Variants in DPY19L2 observed in about 807,000 individuals in gnomAD.
DPY19L2 encodes the protein probable C-mannosyltransferase DPY19L2.
A neutral mutation model predicts 97.9 loss-of-function variants in DPY19L2; 34 were observed. That is an observed-to-expected ratio of 0.35 (90% CI 0.26 to 0.46). The LOEUF (loss-of-function observed/expected upper bound fraction) is 0.46, where lower values mean the gene tolerates loss of function less well. DPY19L2 is among the 20% of genes least tolerant of loss of function. DPY19L2 has a pLI of 1.00. For missense variants in DPY19L2, 623 were observed against 911.4 expected (o/e 0.68, Z 4.07); for synonymous variants, 230 against 307.9 (o/e 0.75, Z 2.65).
chr12:63,563,555 C>T (rs2942647), intron 21 of DPY19L2, among the ~76,000 whole-genome samples: 102 of 152,268 alleles, frequency 6.7e-4, no homozygotes, highest in African/African-American at 2.3e-3. Context: ...ACTATGGTGA[C>T]TTCACTTGAT....
intron 16 of DPY19L2, among the ~76,000 whole-genome samples, chr12:63,588,415 T>G (rs1218014349): frequency 1.3e-5 from 2 of 152,298 alleles, no homozygotes; most frequent in Non-Finnish European, 2.9e-5. Flanking sequence ...TTTAAAAGTT[T>G]CAGTTAAGCC....
chr12:63,624,804 C>T (rs1889258351), intron 7 of DPY19L2, among the ~76,000 whole-genome samples: 1 of 152,010 alleles, frequency 6.6e-6, no homozygotes, highest in Non-Finnish European at 1.5e-5. Context: ...TTCTGAAATT[C>T]TAGAAAGAAT....
intron 8 of DPY19L2, among the ~76,000 whole-genome samples, chr12:63,622,958 C>T (rs539548000): frequency 1.3e-5 from 2 of 151,938 alleles, no homozygotes; most frequent in Admixed American, 6.6e-5. Context: ...TATGTGTAGA[C>T]GATTCATAAA....
chr12:63,620,585 T>C (rs1037343926), intron 9 of DPY19L2, among the ~76,000 whole-genome samples: 36 of 152,188 alleles, frequency 2.4e-4, no homozygotes, highest in African/African-American at 8.4e-4. Flanking sequence ...TTATATTATT[T>C]CATAAAAATC....
rs190391396 is a variant in DPY19L2, at chr12:63,637,931, C to T, written c.803+6472G>A. Among the ~76,000 whole-genome samples the T allele has an allele frequency of 6.4e-3, 981 of 152,216 alleles. 9 individuals are homozygous for T. The highest frequency in any genetic ancestry group is 0.022 in the African/African-American group (904 of 41,528). On this transcript the variant is annotated intron_variant, in intron 6 of 21. Coordinates refer to ENST00000324472, the MANE Select transcript of DPY19L2 (RefSeq NM_173812.5). ...AAAAGAGAATTTTAGACCAATATCC[C>T]TGATGAACATTGATACAAAAATCCT...
At chr12:63,573,148 C>T (rs1403280138) in intron 19 of DPY19L2, among the ~76,000 whole-genome samples, 1 of 152,020 alleles carries the variant, frequency 6.6e-6, no homozygotes, top group East Asian at 1.9e-4. Context: ...GATATGTGGC[C>T]TTTCAGACAG....
chr12:63,570,876 TA>T lies in DPY19L2; in HGVS notation c.1901-20del, dbSNP rs1357783718. ...ACAGCATCTGAAAAAAAAAAAAGGA[TA>T]TATTCTTCAATTAAATGTTTTAAAG... On this transcript the variant is annotated intron_variant, in intron 19 of 21. Transcript: ENST00000324472. The T allele has an allele frequency of 5.7e-6, 9 of 1,573,852 alleles. No individual in the cohort carries two copies.
At chr12:63,625,294 G>C (rs1246085006) in intron 7 of DPY19L2, among the ~76,000 whole-genome samples, 1 of 151,900 alleles carries the variant, frequency 6.6e-6, no homozygotes, top group Non-Finnish European at 1.5e-5. Flanking sequence ...CTACTCAGGA[G>C]GCTGAGGCAG....
chr12:63,644,588 C>T lies in DPY19L2; in HGVS notation c.710-92G>A, dbSNP rs1893143087. The T allele has an allele frequency of 6.0e-5, 90 of 1,510,268 alleles. 1 individual carries two copies. The highest frequency in any genetic ancestry group is 7.5e-5 in the Non-Finnish European group (85 of 1,129,872). The allele number at this position is 1,510,268 out of a possible 1,614,324, so 93.6% of individuals were successfully genotyped here. ...TCTCAGTGCTTTGCAATCAAGAGCT[C>T]ATGAATTTGCTGAAAGCATTTGCTT... On this transcript the variant is annotated intron_variant, in intron 5 of 21. Coordinates refer to ENST00000324472, the MANE Select transcript of DPY19L2 (RefSeq NM_173812.5).
At chr12:63,567,301 A>T (rs1877915243) in intron 21 of DPY19L2, among the ~76,000 whole-genome samples, 2 of 152,148 alleles carry the variant, frequency 1.3e-5, no homozygotes, top group African/African-American at 4.8e-5. Context: ...ATCCAGGCTT[A>T]TCCATATCTA....
Position 63,668,293 on chromosome 12 carries a change from TCTACCTCCGG to T in DPY19L2, c.91_100del (p.Pro31ArgfsTer9). 6.2e-7 allele frequency: 1 copy of T among 1,613,850 alleles called. No individual in the cohort carries two copies. The highest frequency in any genetic ancestry group is 2.2e-5 in the East Asian group (1 of 44,828). On this transcript the variant is annotated frameshift_variant, in exon 1 of 22. Transcript: ENST00000324472. LOFTEE classifies it high-confidence loss of function. ...TAGGGCCGACTTTTCCATCTCCTCC[TCTACCTCCGG>T]CTCCCGGGCGAGGGAGGCCCCGCGC... is the stretch of plus-strand genomic sequence containing the variant.
At chr12:63,650,877 G>C (rs1364801191) in intron 4 of DPY19L2, among the ~76,000 whole-genome samples, 2 of 151,374 alleles carry the variant, frequency 1.3e-5, no homozygotes, top group African/African-American at 4.9e-5. Context: ...ACATAAATAA[G>C]GTTAAAATAA....
intron 12 of DPY19L2, among the ~76,000 whole-genome samples, chr12:63,601,399 G>C (rs1305572487): frequency 6.6e-6 from 1 of 152,142 alleles, no homozygotes; most frequent in Admixed American, 6.5e-5. Context: ...TGTACTTCTG[G>C]TTAGCCTGGG....
At chr12:63,645,188 T>G (rs1592713132) in intron 5 of DPY19L2, among the ~76,000 whole-genome samples, 1 of 152,172 alleles carries the variant, frequency 6.6e-6, no homozygotes, top group Non-Finnish European at 1.5e-5. Context: ...TTTCTTATGG[T>G]TGAGAAAACA....
chr12:63,578,361 A>G (rs1196057119), intron 19 of DPY19L2, among the ~76,000 whole-genome samples: 2 of 152,106 alleles, frequency 1.3e-5, no homozygotes. Flanking sequence ...ATGTGCACAA[A>G]CAAAATAGAA....
At chr12:63,647,586 G>A (rs1215543164) in intron 4 of DPY19L2, among the ~76,000 whole-genome samples, 3 of 152,078 alleles carry the variant, frequency 2.0e-5, no homozygotes, top group Admixed American at 6.6e-5. Flanking sequence ...AAGCTTTATA[G>A]ATTCAATGCT....
chr12:63,585,604 A>G (rs1881663304), intron 16 of DPY19L2, among the ~76,000 whole-genome samples: 1 of 152,154 alleles, frequency 6.6e-6, no homozygotes, highest in Non-Finnish European at 1.5e-5. Flanking sequence ...AGTGAGCTGC[A>G]TGCAAGGAAG....
At position 63,668,226 on chromosome 12, in the gene DPY19L2, C is replaced by G; in HGVS notation, c.168G>C (p.Pro56=). The change falls in exon 1 of 22, where the codon CCG becomes CCC. Residue 56 remains proline, a synonymous_variant. Coordinates refer to ENST00000324472, the MANE Select transcript of DPY19L2 (RefSeq NM_173812.5). The part of the protein sequence containing the change: ...KLPRGSWRSS[P]GRIQSLKERK... ...GCTCTTTCAGACTTTGGATCCTCCC[C>G]GGGGAGGACCTCCAGGAGCCCCTTG... 5 of 1,613,920 alleles carry G rather than the reference C, an allele frequency of 3.1e-6. No homozygotes were observed. The Middle Eastern group carries it at 6.6e-4, about 213-fold the overall frequency.
At chr12:63,614,607 G>A (rs1211868468) in intron 11 of DPY19L2, among the ~76,000 whole-genome samples, 3 of 152,074 alleles carry the variant, frequency 2.0e-5, no homozygotes, top group Non-Finnish European at 4.4e-5. Context: ...TTGGGAGAAG[G>A]CAAATGGATA....
Sources: allele counts gnomAD v4.1 joint callset (sites outside exome capture counted in the v4.1 genomes callset), GRCh38; gene constraint gnomAD v4.1.1; transcripts MANE v1.5; gene names NCBI Gene and HGNC (gene_info 2026-07-23, HGNC 2026-07-21).